The following DLGAP1 variants were observed in gnomAD, a reference collection of about 807,000 sequenced individuals.
DLGAP1 encodes DLG associated protein 1.
In DLGAP1, 11 loss-of-function variants were observed where a neutral mutation model predicts 90.8. That is an observed-to-expected ratio of 0.12 (90% CI 0.08 to 0.20). The LOEUF (loss-of-function observed/expected upper bound fraction) is 0.20, where lower values mean the gene tolerates loss of function less well. Ranked by LOEUF, DLGAP1 falls within the 10% of genes least tolerant of loss-of-function variation. The probability of loss-of-function intolerance (pLI) is 1.00; values close to 1 mark genes in which losing one functional copy is unlikely to be tolerated. For synonymous variants in DLGAP1, 558 were observed against 540.7 expected (o/e 1.03, Z -0.44); for missense variants, 1,050 against 1,333.8 (o/e 0.79, Z 3.31).
intron 1 of DLGAP1, among the ~76,000 whole-genome samples, chr18:4,303,669 G>A (rs1449196046): frequency 1.3e-5 from 2 of 152,160 alleles, no homozygotes; most frequent in Non-Finnish European, 2.9e-5. Flanking sequence ...ATCCTTGCAG[G>A]GAATGAACCC....
At chr18:4,284,072 G>T (rs1047359169) in intron 1 of DLGAP1, among the ~76,000 whole-genome samples, 2 of 151,976 alleles carry the variant, frequency 1.3e-5, no homozygotes, top group African/African-American at 4.8e-5. Context: ...AGGAGGTGGA[G>T]GGGGGAGGAT....
intron 1 of DLGAP1, among the ~76,000 whole-genome samples, chr18:4,180,625 C>G (rs1405464102): frequency 6.6e-6 from 1 of 152,132 alleles, no homozygotes; most frequent in Non-Finnish European, 1.5e-5. Context: ...AGTTTCAATA[C>G]TAGTACAAAG....
chr18:3,774,536 T>G (rs1398090994), intron 5 of DLGAP1: 2 of 152,392 alleles, frequency 1.3e-5, no homozygotes, highest in Non-Finnish European at 2.9e-5. Context: ...AAGGGCTGGC[T>G]TGCTCACCGC....
chr18:3,838,903 C>A (rs768083050), intron 4 of DLGAP1, among the ~76,000 whole-genome samples: 1 of 152,034 alleles, frequency 6.6e-6, no homozygotes, highest in Non-Finnish European at 1.5e-5. Context: ...TGTTATTCTC[C>A]TTTCATAGCC....
chr18:3,685,219 G>A (rs917012065), intron 7 of DLGAP1, among the ~76,000 whole-genome samples: 36 of 152,134 alleles, frequency 2.4e-4, no homozygotes, highest in African/African-American at 8.5e-4. Context: ...AAAGGAGCAC[G>A]ACATGGAGCA....
At chr18:4,289,328 T>TAAGTGACAGAATGGAAAAGC (rs1486058651) in intron 1 of DLGAP1, among the ~76,000 whole-genome samples, 1 of 152,158 alleles carries the variant, frequency 6.6e-6, no homozygotes, top group East Asian at 1.9e-4. Flanking sequence ...CATGGAAAAG[T>TAAGTGACAGAATGGAAAAGC]AAGTGACAGA....
At chr18:3,639,635 A>C (rs955881533) in intron 7 of DLGAP1, among the ~76,000 whole-genome samples, 3 of 152,170 alleles carry the variant, frequency 2.0e-5, no homozygotes, top group African/African-American at 7.2e-5. Context: ...CCAGCTTGGC[A>C]TATCAGTGAC....
chr18:3,885,921 T>A (rs1287248027), intron 3 of DLGAP1, among the ~76,000 whole-genome samples: 1 of 152,172 alleles, frequency 6.6e-6, no homozygotes, highest in East Asian at 1.9e-4. Flanking sequence ...ATTTTCAAGG[T>A]AGGTAATTTA....
At chr18:4,011,175 CAAAAAAAA>C (rs35493947) in intron 2 of DLGAP1, among the ~76,000 whole-genome samples, 1,372 of 97,216 alleles carry the variant, frequency 0.014, 25 homozygotes, top group African/African-American at 0.045. Flanking sequence ...GATTCCGCCT[CAAAAAAAA>C]AAAAAAAAAA....
chr18:4,166,793 A>G (rs945343376), intron 1 of DLGAP1, among the ~76,000 whole-genome samples: 1 of 152,232 alleles, frequency 6.6e-6, no homozygotes, highest in African/African-American at 2.4e-5. Context: ...AAAGATAAAT[A>G]TTGTATGTTT....
rs1345724583 is a variant in DLGAP1 at position 4,383,619 on chromosome 18, AAG to A, written c.-267+71385_-267+71386del. On this transcript the variant is annotated intron_variant, in intron 1 of 12. Coordinates refer to ENST00000315677, the MANE Select transcript of DLGAP1 (RefSeq NM_004746.4). This position sits in a 1 kb window ranked among gnomAD's most constrained non-coding sequence, Gnocchi z 4.0. ...AAAGGGATGTTTACCTATGAGAATC[AAG>A]TAGAACTGCTTTCTGACTATGCTAT... 6.6e-6 allele frequency among the ~76,000 whole-genome samples: 1 copy of A among 152,138 alleles called. No homozygotes were observed. The highest frequency in any genetic ancestry group is 1.5e-5 in the Non-Finnish European group (1 of 68,016).
chr18:4,006,628 G>A (rs1280686685), intron 2 of DLGAP1, among the ~76,000 whole-genome samples: 4 of 147,090 alleles, frequency 2.7e-5, no homozygotes, highest in Admixed American at 1.4e-4. Context: ...TAGTGCCTCT[G>A]TTCCCCACCC....
At chr18:3,646,746 A>C (rs1007246387) in intron 7 of DLGAP1, among the ~76,000 whole-genome samples, 2 of 151,878 alleles carry the variant, frequency 1.3e-5, no homozygotes, top group Non-Finnish European at 2.9e-5. Flanking sequence ...AACACGGTGA[A>C]ACCTCGTCTC....
At chr18:3,830,947 T>C (rs1472987093) in intron 4 of DLGAP1, among the ~76,000 whole-genome samples, 2 of 152,240 alleles carry the variant, frequency 1.3e-5, no homozygotes, top group Non-Finnish European at 2.9e-5. Flanking sequence ...GTTGTACCTA[T>C]TTTATTCAAC....
At chr18:4,361,161 T>C (rs1243480924) in intron 1 of DLGAP1, among the ~76,000 whole-genome samples, 1 of 152,128 alleles carries the variant, frequency 6.6e-6, no homozygotes, top group African/African-American at 2.4e-5. Context: ...GAAATTAATA[T>C]CTTAATAATA....
intron 5 of DLGAP1, among the ~76,000 whole-genome samples, chr18:3,757,819 T>C (rs1179178557): frequency 6.6e-6 from 1 of 152,150 alleles, no homozygotes; most frequent in African/African-American, 2.4e-5. Context: ...AGGCTTTTTC[T>C]ATAAGACTGA....
intron 7 of DLGAP1, among the ~76,000 whole-genome samples, chr18:3,583,156 A>T (rs28547204): frequency 7.0e-5 from 9 of 129,102 alleles, no homozygotes; most frequent in Non-Finnish European, 1.3e-4. Flanking sequence ...CTACCTACCT[A>T]CCTACCTACC....
chr18:3,500,841 T>C (rs2049891900), intron 12 of DLGAP1, among the ~76,000 whole-genome samples: 1 of 152,242 alleles, frequency 6.6e-6, no homozygotes, highest in Non-Finnish European at 1.5e-5. Context: ...TGGATATTTT[T>C]AGAAATATGA....
intron 2 of DLGAP1, among the ~76,000 whole-genome samples, chr18:4,125,758 C>A (rs751654610): frequency 9.9e-5 from 15 of 152,156 alleles, no homozygotes; most frequent in Non-Finnish European, 2.2e-4. Context: ...TTGAAGTTGA[C>A]AAAGCAGTGA....
Sources: allele counts gnomAD v4.1 joint callset (sites outside exome capture counted in the v4.1 genomes callset), GRCh38; gene constraint gnomAD v4.1.1; non-coding constraint Gnocchi (gnomAD v3.1); transcripts MANE v1.5; gene names NCBI Gene and HGNC (gene_info 2026-07-23, HGNC 2026-07-21).